TTC29: variants seen among roughly 807,000 people sequenced by gnomAD.
TTC29 encodes tetratricopeptide repeat domain 29.
Under a neutral mutation model 58.1 loss-of-function variants are expected in TTC29, and 49 were observed. The observed-to-expected ratio is 0.84, with a 90% CI of 0.67 to 1.07. The LOEUF (loss-of-function observed/expected upper bound fraction) is 1.07. TTC29 is among the 50% of genes least tolerant of loss of function. The pLI, the probability that TTC29 is intolerant of heterozygous loss-of-function variation, is 0.00. For synonymous variants in TTC29, 209 were observed against 196.8 expected, an observed-to-expected ratio of 1.06 and a Z score of -0.52; for missense variants, 582 against 555.6, an observed-to-expected ratio of 1.05 and a Z score of -0.48.
intron 7 of TTC29, among the ~76,000 whole-genome samples, chr4:146,871,448 CATAG>C (rs1298007027): frequency 4.0e-5 from 6 of 151,768 alleles, no homozygotes; most frequent in Non-Finnish European, 8.8e-5. Flanking sequence ...AGATAAGGCA[CATAG>C]ATAGAAGGGA....
chr4:146,716,160 T>G (rs1274610293), intron 11 of TTC29, among the ~76,000 whole-genome samples: 1 of 152,162 alleles, frequency 6.6e-6, no homozygotes, highest in Non-Finnish European at 1.5e-5. Flanking sequence ...TTCTCATATA[T>G]TCCCCTGATC....
chr4:146,851,604 C>A (rs1579829071), intron 8 of TTC29, among the ~76,000 whole-genome samples: 1 of 152,312 alleles, frequency 6.6e-6, no homozygotes, highest in Middle Eastern at 3.4e-3. Context: ...AAATTTGCAT[C>A]TGCAGCAAGA....
At chr4:146,726,145 G>T (rs543164539) in intron 11 of TTC29, among the ~76,000 whole-genome samples, 1 of 151,964 alleles carries the variant, frequency 6.6e-6, no homozygotes, top group Non-Finnish European at 1.5e-5. Context: ...AAAATGTTTG[G>T]GATTACAGGT....
intron 11 of TTC29, among the ~76,000 whole-genome samples, chr4:146,714,526 G>A (rs1742774995): frequency 6.6e-6 from 1 of 150,890 alleles, no homozygotes; most frequent in Non-Finnish European, 1.5e-5. Flanking sequence ...TAAAATTGCT[G>A]AAGACTATAA....
At chr4:146,817,142 GTC>G (rs1751463617) in intron 10 of TTC29, among the ~76,000 whole-genome samples, 2 of 152,172 alleles carry the variant, frequency 1.3e-5, no homozygotes, top group Admixed American at 6.5e-5. Context: ...AAGTCAAATT[GTC>G]TCTGTTTGCA....
chr4:146,879,201 GAATTTA>G (rs1370243370), intron 6 of TTC29, among the ~76,000 whole-genome samples: 1 of 152,066 alleles, frequency 6.6e-6, no homozygotes, highest in Non-Finnish European at 1.5e-5. Flanking sequence ...AGGCTGGCCA[GAATTTA>G]AAGCATATAT....
chr4:146,866,024 G>A (rs555875126), intron 8 of TTC29, among the ~76,000 whole-genome samples: 1 of 152,136 alleles, frequency 6.6e-6, no homozygotes, highest in East Asian at 1.9e-4. Context: ...TAACATAAAG[G>A]AAACATATAT....
At position 146,843,934 on chromosome 4, in the gene TTC29, A is replaced by C. The variant is rs1729007077; in HGVS notation, c.886-10037T>G. ...CTTTTTTAAAATGTCCCTACATTAGAATAAATGGCAGAAAGGAAAGCTCAA... is the reference window on the plus strand; with the variant it reads ...CTTTTTTAAAATGTCCCTACATTAGCATAAATGGCAGAAAGGAAAGCTCAA... On this transcript the variant is annotated intron_variant, in intron 8 of 12. Transcript: ENST00000325106. 2.6e-5 allele frequency among the ~76,000 whole-genome samples: 4 copies of C among 152,316 alleles called. No homozygotes were observed. In the South Asian group the frequency reaches 8.3e-4, roughly 32 times the overall value.
At chr4:146,872,768 C>A (rs79673027) in intron 7 of TTC29, among the ~76,000 whole-genome samples, 1 of 152,016 alleles carries the variant, frequency 6.6e-6, no homozygotes, top group Non-Finnish European at 1.5e-5. Flanking sequence ...TAAACTTAAA[C>A]CCTCACATAA....
At chr4:146,768,465 T>C (rs1179886072) in intron 11 of TTC29, among the ~76,000 whole-genome samples, 1 of 152,070 alleles carries the variant, frequency 6.6e-6, no homozygotes, top group African/African-American at 2.4e-5. Context: ...AAGTTAAATA[T>C]AATTCTCTCT....
chr4:146,781,024 A>G (rs1748555103), intron 11 of TTC29, among the ~76,000 whole-genome samples: 1 of 152,058 alleles, frequency 6.6e-6, no homozygotes, highest in Non-Finnish European at 1.5e-5. Flanking sequence ...AGTACACAAG[A>G]AAGGCAATTG....
chr4:146,787,140 C>A (rs1177524517), intron 11 of TTC29, among the ~76,000 whole-genome samples: 1 of 152,010 alleles, frequency 6.6e-6, no homozygotes, highest in Non-Finnish European at 1.5e-5. Context: ...ATAAAATCTG[C>A]TTTTGAGAGC....
intron 11 of TTC29, among the ~76,000 whole-genome samples, chr4:146,761,492 C>G (rs996163147): frequency 6.6e-6 from 1 of 151,844 alleles, no homozygotes; most frequent in Non-Finnish European, 1.5e-5. Context: ...CAAATATATT[C>G]AAGTAAGCTT....
chr4:146,862,893 C>T (rs903059994), intron 8 of TTC29, among the ~76,000 whole-genome samples: 5 of 152,060 alleles, frequency 3.3e-5, no homozygotes, highest in African/African-American at 4.8e-5. Context: ...GAGGCTGAGG[C>T]GGGCAGATCA....
intron 11 of TTC29, among the ~76,000 whole-genome samples, chr4:146,777,180 C>T (rs557314620): frequency 6.9e-4 from 105 of 152,204 alleles, no homozygotes; most frequent in African/African-American, 2.2e-3. Flanking sequence ...CTCTCTGAGG[C>T]GGAAGATATT....
chr4:146,769,180 A>C (rs1484757450), intron 11 of TTC29, among the ~76,000 whole-genome samples: 2 of 151,996 alleles, frequency 1.3e-5, no homozygotes, highest in African/African-American at 2.4e-5. Context: ...ATTTTGAATA[A>C]AATTCTTAGT....
intron 6 of TTC29, among the ~76,000 whole-genome samples, chr4:146,876,486 A>G (rs561652733): frequency 6.6e-6 from 1 of 152,220 alleles, no homozygotes; most frequent in Non-Finnish European, 1.5e-5. Flanking sequence ...TGTGGGTTGG[A>G]GCTACTTCCA....
At chr4:146,788,080 G>C (rs566331296) in intron 11 of TTC29, among the ~76,000 whole-genome samples, 1 of 152,148 alleles carries the variant, frequency 6.6e-6, no homozygotes, top group Non-Finnish European at 1.5e-5. Flanking sequence ...CCACCTGAGA[G>C]ACCTGAGGAT....
intron 8 of TTC29, among the ~76,000 whole-genome samples, chr4:146,863,556 C>A (rs978702561): frequency 6.6e-6 from 1 of 152,292 alleles, no homozygotes; most frequent in East Asian, 1.9e-4. Flanking sequence ...CCTGATGGAA[C>A]AAACTGTGAC....
Sources: gnomAD v4.1 joint callset for allele counts (sites outside exome capture counted in the v4.1 genomes callset) on GRCh38, gnomAD v4.1.1 for gene constraint, MANE v1.5 for transcripts, NCBI Gene and HGNC (gene_info 2026-07-23, HGNC 2026-07-21) for gene names.